The following FLT4 variants were observed in gnomAD, a reference collection of about 807,000 sequenced individuals.
FLT4 encodes the protein fms related receptor tyrosine kinase 4.
FLT4 carries 30 observed loss-of-function variants against 163.2 expected under a neutral mutation model. The ratio of observed to expected loss-of-function variants is 0.18; its 90% CI spans 0.14 to 0.25. The LOEUF (loss-of-function observed/expected upper bound fraction) is 0.25. Ranked by LOEUF, FLT4 falls within the 10% of genes least tolerant of loss-of-function variation. The pLI, the probability that FLT4 is intolerant of heterozygous loss-of-function variation, is 1.00. For missense variants in FLT4, 1,510 were observed against 1,863.8 expected (o/e 0.81, Z 3.50); for synonymous variants, 884 against 789.5 (o/e 1.12, Z -2.01).
chr5:180,644,038 CAA>C (rs1427486296), intron 1 of FLT4, among the ~76,000 whole-genome samples: 1 of 152,154 alleles, frequency 6.6e-6, no homozygotes, highest in African/African-American at 2.4e-5. Flanking sequence ...GCCAGGCTCT[CAA>C]ACTCTTAACC....
intron 27 of FLT4, 150 bp downstream of exon 27, chr5:180,611,181 G>C: frequency 2.1e-6 from 2 of 964,806 alleles, no homozygotes; most frequent in Admixed American, 1.8e-5. Context: ...CCTGCAGTGG[G>C]TCATTTAAAG....
Position 180,624,127 on chromosome 5 carries a change from G to A in FLT4, c.1422-66C>T, listed in dbSNP as rs564837085. On this transcript the variant is annotated intron_variant, in intron 10 of 29. Coordinates refer to ENST00000261937, the MANE Select transcript of FLT4 (RefSeq NM_182925.5). The stretch of plus-strand genomic sequence containing the variant: ...GGCAGGAAGGGCCCACATGGGGGGC[G>A]GGGTCAAGCCCTTGTCATATCCAGT... 4.5e-5 allele frequency: 71 copies of A among 1,587,264 alleles called. No individual in the cohort carries two copies. In the Admixed American group the frequency reaches 6.2e-4, roughly 14 times the overall value.
At chr5:180,642,095 T>C (rs929898834) in intron 1 of FLT4, among the ~76,000 whole-genome samples, 4 of 151,564 alleles carry the variant, frequency 2.6e-5, no homozygotes, top group African/African-American at 9.7e-5. Context: ...CAGTCCCAGC[T>C]ACTCGAGAGG....
At chr5:180,605,140 C>T (rs923869778) in intron 29 of FLT4, among the ~76,000 whole-genome samples, 4 of 152,192 alleles carry the variant, frequency 2.6e-5, no homozygotes, top group African/African-American at 7.2e-5. Context: ...TTTAAAATTA[C>T]TATTTGTAGA....
chr5:180,649,476 C>G lies in FLT4; in HGVS notation c.58+12G>C. On this transcript the variant is annotated intron_variant, in intron 1 of 29. Transcript: ENST00000261937. ...CCCACGCTCGGGCGGGTGGCCCGTT[C>G]GCCGCGCTCACCGTCCAGGAGTCCC... is the stretch of plus-strand genomic sequence containing the variant. 6.9e-7 allele frequency: 1 copy of G among 1,456,978 alleles called. No individual in the cohort carries two copies. Among genetic ancestry groups the G allele is most frequent in the Non-Finnish European group, 9.0e-7 (1 of 1,107,126 alleles). 90.3% of individuals were successfully genotyped at this position (1,456,978 alleles called of 1,614,324 possible).
At position 180,603,272 on chromosome 5, in the gene FLT4, C is replaced by A; in HGVS notation, c.4012G>T (p.Gly1338Trp). 1 of 1,614,144 alleles carries A rather than the reference C, an allele frequency of 6.2e-7. No homozygotes were observed. Among genetic ancestry groups the A allele is most frequent in the African/African-American group, 1.3e-5 (1 of 75,078 alleles). ...TCCTCGCTTGGCTCCGACAGCTCCC[C>A]ATACTCGCTGTTGTAAAACACCTGG... is the stretch of plus-strand genomic sequence containing the variant. ...GGQVFYNSEYGELSEPSEEDH... is the reference protein window; with the variant it reads ...GGQVFYNSEYWELSEPSEEDH... Residue 1338 changes from glycine (G) to tryptophan (W), a missense_variant, in exon 30 of 30, where the codon GGG becomes TGG. Gly to Trp is a radical substitution (Grantham distance 184). Coordinates refer to ENST00000261937, the MANE Select transcript of FLT4 (RefSeq NM_182925.5).
Position 180,634,440 on chromosome 5 carries a change from C to A in FLT4, c.59-2662G>T, listed in dbSNP as rs527412775. 5.3e-5 allele frequency among the ~76,000 whole-genome samples: 8 copies of A among 152,256 alleles called. No homozygotes were observed. In the East Asian group the frequency reaches 1.6e-3, roughly 30 times the overall value. On this transcript the variant is annotated intron_variant, in intron 1 of 29. Coordinates refer to ENST00000261937, the MANE Select transcript of FLT4 (RefSeq NM_182925.5). ...TGGATGGGCCAGGCGTGGTGGCTCA[C>A]GCCTGTCATCCCAGCACTTTGGGAG...
At chr5:180,631,945 C>G (rs1490830852) in intron 1 of FLT4, among the ~76,000 whole-genome samples, 167 bp from the exon 2 acceptor site, 1 of 151,980 alleles carries the variant, frequency 6.6e-6, no homozygotes, top group African/African-American at 2.4e-5. Context: ...GCGCCGTGAG[C>G]AGCACCAGCT....
chr5:180,606,939 G>A (rs960806402), intron 29 of FLT4, among the ~76,000 whole-genome samples: 3 of 151,860 alleles, frequency 2.0e-5, no homozygotes, highest in Non-Finnish European at 4.4e-5. Context: ...TTAGCTGGGC[G>A]TGGTGGCACA....
chr5:180,609,905 C>T lies in FLT4; in HGVS notation c.3807G>A (p.Val1269=). 6.2e-7 allele frequency: 1 copy of T among 1,614,148 alleles called. No individual in the cohort carries two copies. Among genetic ancestry groups the T allele is most frequent in the Non-Finnish European group, 8.5e-7 (1 of 1,179,984 alleles). The change falls in exon 28 of 30, where the codon GTG becomes GTA. Residue 1269 remains valine, a splice_region_variant and synonymous_variant. Coordinates refer to ENST00000261937, the MANE Select transcript of FLT4 (RefSeq NM_182925.5). ...AGCCCCCACCCTTCATGTGAAGTAC[C>T]ACAGAGCCTTTGTAGGTCGTTGGGG... The part of the protein sequence containing the change: ...PMTPTTYKGS[V]DNQTDSGMVL...
chr5:180,624,231 T>TC (rs1274904515), intron 10 of FLT4, among the ~76,000 whole-genome samples, 170 bp from the exon 11 acceptor site: 1 of 150,426 alleles, frequency 6.6e-6, no homozygotes, highest in African/African-American at 2.4e-5. Flanking sequence ...TTTGGTGTTT[T>TC]TTTTTTTTTT....
chr5:180,620,598 G>A lies in FLT4; in HGVS notation c.2406+11C>T, dbSNP rs1209724505. 7 of 1,589,196 alleles carry A rather than the reference G, an allele frequency of 4.4e-6. No individual in the cohort carries two copies. Among genetic ancestry groups the A allele is most frequent in the East Asian group, 2.2e-5 (1 of 44,722 alleles). On this transcript the variant is annotated intron_variant, in intron 16 of 29. Coordinates refer to ENST00000261937, the MANE Select transcript of FLT4 (RefSeq NM_182925.5). The surrounding 1 kb of genome is among the most constrained non-coding windows in gnomAD (Gnocchi z 4.4). ...AGAGAGACTCCATCAGGAGCGGGGA[G>A]GGACACTCACCCTCCTCATGTTACA...
At chr5:180,641,560 G>A (rs1479122314) in intron 1 of FLT4, among the ~76,000 whole-genome samples, 6 of 152,082 alleles carry the variant, frequency 3.9e-5, no homozygotes, top group Middle Eastern at 3.4e-3. Context: ...CGGAGCTGCT[G>A]GCTGAGCTGG....
At chr5:180,643,001 C>G (rs139537904) in intron 1 of FLT4, among the ~76,000 whole-genome samples, 29 of 152,346 alleles carry the variant, frequency 1.9e-4, no homozygotes, top group African/African-American at 6.0e-4. Context: ...AGCTAGCACA[C>G]AGAGGTTAAC....
rs1053763600 is a variant in FLT4, at chr5:180,636,017, G to C, written c.59-4239C>G. Among the ~76,000 whole-genome samples, 5 of 151,550 alleles carry C rather than the reference G, an allele frequency of 3.3e-5. No individual in the cohort carries two copies. The highest frequency in any genetic ancestry group is 7.4e-5 in the Non-Finnish European group (5 of 67,872). ...GATGAATGGATGGATGGGTGGAAGA[G>C]TGGGTGGACAGGTGAAAGGTAAGTG... is the stretch of plus-strand genomic sequence containing the variant. On this transcript the variant is annotated intron_variant, in intron 1 of 29. Transcript: ENST00000261937. The surrounding 1 kb of genome is among the most constrained non-coding windows in gnomAD (Gnocchi z 4.3).
chr5:180,608,878 G>A, intron 29 of FLT4, 90 bp downstream of exon 29: 2 of 1,136,996 alleles, frequency 1.8e-6, no homozygotes, highest in Admixed American at 1.7e-5. Context: ...GTTCCGGGAA[G>A]AGGGCTGGGC....
chr5:180,624,866 A>T (rs1161878916), intron 10 of FLT4, among the ~76,000 whole-genome samples: 2 of 152,216 alleles, frequency 1.3e-5, no homozygotes, highest in Non-Finnish European at 2.9e-5. Flanking sequence ...AGGGAGGCTC[A>T]TATCTGCCCC....
chr5:180,607,198 G>C (rs1467771212), intron 29 of FLT4, among the ~76,000 whole-genome samples: 1 of 152,156 alleles, frequency 6.6e-6, no homozygotes, highest in Non-Finnish European at 1.5e-5. Flanking sequence ...TTTTCCCCTG[G>C]CTGTCATGTT....
chr5:180,613,372 C>T, intron 24 of FLT4: 1 of 451,584 alleles, frequency 2.2e-6, no homozygotes, highest in South Asian at 4.9e-5. Flanking sequence ...CATCCACCCA[C>T]TGGCGACACG....
Sources: gnomAD v4.1 joint callset for allele counts (sites outside exome capture counted in the v4.1 genomes callset) on GRCh38, gnomAD v4.1.1 for gene constraint, Gnocchi (gnomAD v3.1) non-coding constraint, MANE v1.5 for transcripts, NCBI Gene and HGNC (gene_info 2026-07-23, HGNC 2026-07-21) for gene names.